The following SRD5A2 variants were observed in gnomAD, a reference collection of about 807,000 sequenced individuals.
The protein encoded by SRD5A2 is steroid 5 alpha-reductase 2.
SRD5A2 carries 30 observed loss-of-function variants against 27.4 expected under a neutral mutation model. The ratio of observed to expected loss-of-function variants is 1.10; its 90% CI spans 0.82 to 1.49. The LOEUF (loss-of-function observed/expected upper bound fraction) is 1.49, where lower values mean the gene tolerates loss of function less well. Ranked by LOEUF, SRD5A2 falls within the 40% of genes most tolerant of loss-of-function variation. The probability of loss-of-function intolerance (pLI) is 0.00; values close to 1 mark genes in which losing one functional copy is unlikely to be tolerated. For missense variants in SRD5A2, 348 were observed against 323.4 expected (o/e 1.08, Z -0.58); for synonymous variants, 141 against 133.6 (o/e 1.06, Z -0.38).
chr2:31,524,116 T>G lies in SRD5A2; in HGVS notation c.*2080A>C, dbSNP rs373920077. 4.5e-6 allele frequency: 1 copy of G among 222,858 alleles called. No individual in the cohort carries two copies. Among genetic ancestry groups the G allele is most frequent in the Non-Finnish European group, 9.0e-6 (1 of 111,466 alleles). The allele number at this position is 222,858 out of a possible 1,614,324, so 13.8% of individuals were successfully genotyped here. A position where few individuals can be genotyped will look rare whatever the true frequency, so the allele number is the denominator to read the frequency against. On this transcript the variant is annotated 3_prime_UTR_variant, in exon 5 of 5. Coordinates refer to ENST00000622030, the MANE Select transcript of SRD5A2 (RefSeq NM_000348.4). ...GCGGTTTTGTCCTGAGACTGAGTAC[T>G]GCCATTTATTGTATATTTATTTCAT...
chr2:31,543,680 C>A (rs1006352844), intron 1 of SRD5A2, among the ~76,000 whole-genome samples: 11 of 152,010 alleles, frequency 7.2e-5, no homozygotes, highest in African/African-American at 2.7e-4. Flanking sequence ...TGAAATTAAG[C>A]TGGTTTATAA....
At chr2:31,539,143 A>G (rs555135208) in intron 1 of SRD5A2, among the ~76,000 whole-genome samples, 11 of 152,320 alleles carry the variant, frequency 7.2e-5, no homozygotes, top group African/African-American at 2.4e-4. Context: ...AAAAGCAAAC[A>G]TGAGAAGATT....
the SRD5A2 span, among the ~76,000 whole-genome samples, chr2:31,620,527 T>C: frequency 2.6e-5 from 4 of 152,000 alleles, no homozygotes; most frequent in African/African-American, 9.7e-5. Flanking sequence ...CGCTAGTACT[T>C]CTTTTTTTTA....
At chr2:31,581,052 C>T, upstream of SRD5A2, 1 of 714,006 alleles carries the variant, frequency 1.4e-6, no homozygotes, top group Non-Finnish European at 1.9e-6. Flanking sequence ...CGCGTCCAGC[C>T]CTGGCGCGGT....
intron 1 of SRD5A2, among the ~76,000 whole-genome samples, chr2:31,546,728 C>T (rs1265956893): frequency 6.6e-6 from 1 of 152,176 alleles, no homozygotes. Flanking sequence ...TTGTACACCA[C>T]ACCTCAGCAA....
upstream of SRD5A2, among the ~76,000 whole-genome samples, chr2:31,581,260 C>T (rs1485603556): frequency 6.6e-6 from 1 of 152,148 alleles, no homozygotes; most frequent in Non-Finnish European, 1.5e-5. Flanking sequence ...CCCACGGGGA[C>T]GATTCAGCTG....
intron 1 of SRD5A2, among the ~76,000 whole-genome samples, chr2:31,578,012 T>C (rs1285531514): frequency 6.6e-6 from 1 of 152,154 alleles, no homozygotes; most frequent in Non-Finnish European, 1.5e-5. Context: ...AAGCAGATAT[T>C]AAGAAATCTG....
the SRD5A2 span, among the ~76,000 whole-genome samples, chr2:31,636,131 G>T: frequency 1.9e-4 from 29 of 151,960 alleles, no homozygotes; most frequent in African/African-American, 6.8e-4. Flanking sequence ...TCCTTGGGTA[G>T]TATTATCATT....
the SRD5A2 span, among the ~76,000 whole-genome samples, chr2:31,628,087 C>T: frequency 1.3e-5 from 2 of 152,008 alleles, no homozygotes; most frequent in South Asian, 2.1e-4. Context: ...AAATCTTTCA[C>T]TATTATTGTG....
chr2:31,572,222 T>G (rs903993623), intron 1 of SRD5A2, among the ~76,000 whole-genome samples: 3 of 152,162 alleles, frequency 2.0e-5, no homozygotes, highest in African/African-American at 7.2e-5. Flanking sequence ...GAAAACCAAC[T>G]GCATATCCTC....
chr2:31,613,914 AG>A, the SRD5A2 span, among the ~76,000 whole-genome samples: 4 of 152,160 alleles, frequency 2.6e-5, no homozygotes, highest in Non-Finnish European at 4.4e-5. Flanking sequence ...CCACAAGAAA[AG>A]TATAGGGAAA....
the SRD5A2 span, among the ~76,000 whole-genome samples, chr2:31,628,861 C>G: frequency 6.6e-6 from 1 of 152,108 alleles, no homozygotes; most frequent in Non-Finnish European, 1.5e-5. Context: ...TTTTCTCTGG[C>G]TGCCTTTAAC....
intron 2 of SRD5A2, among the ~76,000 whole-genome samples, chr2:31,532,244 C>T (rs181246908): frequency 4.5e-4 from 69 of 152,112 alleles, no homozygotes; most frequent in African/African-American, 1.6e-3. Context: ...GAATTATTCC[C>T]GTCACTATTA....
chr2:31,657,882 A>T, the SRD5A2 span, among the ~76,000 whole-genome samples: 2 of 152,160 alleles, frequency 1.3e-5, no homozygotes, highest in Non-Finnish European at 2.9e-5. Flanking sequence ...AGTCATCATG[A>T]AAAAGAAGAA....
the SRD5A2 span, among the ~76,000 whole-genome samples, chr2:31,657,294 G>C: frequency 2.6e-5 from 4 of 152,168 alleles, no homozygotes; most frequent in Non-Finnish European, 5.9e-5. Context: ...ACTATCTTCA[G>C]AATTTTTCCA....
In SRD5A2 at chr2:31,580,692, C is replaced by T. The variant is rs61750387; in HGVS notation, c.209G>A (p.Arg70Gln). Residue 70 changes from arginine (R) to glutamine (Q), a missense_variant, in exon 1 of 5, where the codon CGG becomes CAG. By Grantham distance (43) the Arg-to-Gln change is conservative (BLOSUM62 1). Transcript: ENST00000622030. ...TGGCCCGAAGAGGGAGAGGGGCTGC[C>T]GGGCGAGGATCCCCGCGGGCACCGC... is the stretch of plus-strand genomic sequence containing the variant. ...SFAVPAGILARQPLSLFGPPG... is the reference protein window; with the variant it reads ...SFAVPAGILAQQPLSLFGPPG... The T allele has an allele frequency of 8.7e-6, 14 of 1,600,892 alleles. 1 individual carries two copies. In the South Asian group the frequency reaches 1.3e-4, roughly 15 times the overall value.
At chr2:31,645,783 G>C in the SRD5A2 span, among the ~76,000 whole-genome samples, 2 of 152,130 alleles carry the variant, frequency 1.3e-5, no homozygotes, top group Non-Finnish European at 2.9e-5. Context: ...AAATAAAATA[G>C]ATATTGAATG....
At chr2:31,640,312 G>A in the SRD5A2 span, among the ~76,000 whole-genome samples, 1 of 152,042 alleles carries the variant, frequency 6.6e-6, no homozygotes, top group Non-Finnish European at 1.5e-5. Flanking sequence ...TGTTCAGAGA[G>A]CTGACAAATC....
At chr2:31,577,271 A>G (rs1666978728) in intron 1 of SRD5A2, among the ~76,000 whole-genome samples, 1 of 151,520 alleles carries the variant, frequency 6.6e-6, no homozygotes, top group African/African-American at 2.4e-5. Context: ...TGGCTAAAGA[A>G]TCCAAACAGC....
Sources: allele counts gnomAD v4.1 joint callset (sites outside exome capture counted in the v4.1 genomes callset), GRCh38; gene constraint gnomAD v4.1.1; transcripts MANE v1.5; gene names NCBI Gene and HGNC (gene_info 2026-07-23, HGNC 2026-07-21).